Variants in PGBD2 observed in about 807,000 individuals in gnomAD.
PGBD2 encodes the protein piggyBac transposable element derived 2.
In PGBD2, 6 loss-of-function variants were observed where a neutral mutation model predicts 8.1. That is an observed-to-expected ratio of 0.74 (90% CI 0.40 to 1.46). The LOEUF is 1.46. Ranked by LOEUF, PGBD2 falls within the 40% of genes most tolerant of loss-of-function variation. The pLI, the probability that PGBD2 is intolerant of heterozygous loss-of-function variation, is 0.02. For missense variants in PGBD2, 802 were observed against 739.0 expected (o/e 1.09, Z -0.99); for synonymous variants, 318 against 272.2 (o/e 1.17, Z -1.66).
At chr1:248,911,589 A>C (rs1661880024) in intron 1 of PGBD2, among the ~76,000 whole-genome samples, 1 of 144,974 alleles carries the variant, frequency 6.9e-6, no homozygotes, top group Non-Finnish European at 1.5e-5. Flanking sequence ...CTATTCCACA[A>C]AGCCGCCATT....
chr1:248,929,307 G>A, the PGBD2 span, among the ~76,000 whole-genome samples: 9 of 151,898 alleles, frequency 5.9e-5, no homozygotes, highest in South Asian at 2.1e-4. Flanking sequence ...CTTGCAATCC[G>A]GGTGGAAGTT....
chr1:248,874,915 TAGATAGATA>T, the PGBD2 span, among the ~76,000 whole-genome samples: 1 of 141,758 alleles, frequency 7.1e-6, no homozygotes, highest in Non-Finnish European at 1.5e-5. Context: ...GATAGATAGA[TAGATAGATA>T]GATAGATAGA....
At chr1:248,910,417 T>A (rs1426390591) in intron 1 of PGBD2, among the ~76,000 whole-genome samples, 7 of 152,198 alleles carry the variant, frequency 4.6e-5, no homozygotes, top group Non-Finnish European at 8.8e-5. Context: ...TTACACACAT[T>A]GACTCTTACT....
the PGBD2 span, among the ~76,000 whole-genome samples, chr1:248,875,168 T>C: frequency 6.6e-6 from 1 of 151,770 alleles, no homozygotes; most frequent in African/African-American, 2.4e-5. Context: ...TGGTGGCAGG[T>C]GCCTGTAGTC....
downstream of PGBD2, among the ~76,000 whole-genome samples, chr1:248,922,954 G>A (rs1175645393): frequency 6.6e-6 from 1 of 152,186 alleles, no homozygotes; most frequent in African/African-American, 2.4e-5. Flanking sequence ...TTTGGTATCA[G>A]GATGATGCTG....
rs772144734 is a variant in PGBD2, at chr1:248,916,915, A to G, written c.331A>G (p.Ile111Val). 1.1e-5 allele frequency: 17 copies of G among 1,614,014 alleles called. No homozygotes were observed. Among genetic ancestry groups the G allele is most frequent in the Non-Finnish European group, 1.2e-5 (14 of 1,179,980 alleles). ...GAAAGCAGTTGTGAAACCTCAGCGCATTTGGACCAAAAGAGATATTCGTCC... is the reference window on the plus strand; with the variant it reads ...GAAAGCAGTTGTGAAACCTCAGCGCGTTTGGACCAAAAGAGATATTCGTCC... The part of the protein sequence containing the change: ...RQKAVVKPQR[I>V]WTKRDIRPDF... The change falls in exon 3 of 3, where the codon ATT becomes GTT. Residue 111 changes from isoleucine (I) to valine (V), a missense_variant. Coordinates refer to ENST00000329291, the MANE Select transcript of PGBD2 (RefSeq NM_170725.3).
the PGBD2 span, among the ~76,000 whole-genome samples, chr1:248,879,488 G>A: frequency 2.0e-5 from 3 of 152,024 alleles, no homozygotes; most frequent in Non-Finnish European, 2.9e-5. Flanking sequence ...TCAACCTTCC[G>A]GGCTCAAACT....
chr1:248,924,443 T>C (rs1438546572), downstream of PGBD2, among the ~76,000 whole-genome samples: 2 of 152,226 alleles, frequency 1.3e-5, no homozygotes, highest in African/African-American at 2.4e-5. Context: ...CCAAATTTTT[T>C]TTCAAAATGG....
At chr1:248,882,956 T>C in the PGBD2 span, among the ~76,000 whole-genome samples, 4 of 152,214 alleles carry the variant, frequency 2.6e-5, no homozygotes, top group African/African-American at 9.6e-5. Flanking sequence ...TGCATTATAT[T>C]TTAGAAAGCT....
At chr1:248,873,967 T>C in the PGBD2 span, among the ~76,000 whole-genome samples, 12 of 152,266 alleles carry the variant, frequency 7.9e-5, no homozygotes, top group African/African-American at 2.6e-4. Flanking sequence ...GACACATTCG[T>C]TTTATTAGCA....
the PGBD2 span, among the ~76,000 whole-genome samples, chr1:248,898,859 C>A: frequency 2.8e-4 from 43 of 152,152 alleles, no homozygotes; most frequent in Admixed American, 2.8e-3. Context: ...ATTCAACAGA[C>A]CCATCTCACA....
chr1:248,893,254 C>T, the PGBD2 span, among the ~76,000 whole-genome samples: 63 of 152,164 alleles, frequency 4.1e-4, no homozygotes, highest in African/African-American at 1.4e-3. Context: ...TGAGAAAAAT[C>T]CTCTAACATT....
upstream of PGBD2, among the ~76,000 whole-genome samples, chr1:248,902,185 C>A (rs1661545632): frequency 6.6e-6 from 1 of 151,560 alleles, no homozygotes; most frequent in African/African-American, 2.4e-5. Flanking sequence ...AGGAGAATTG[C>A]TTGAACCCAG....
At chr1:248,895,523 T>C in the PGBD2 span, among the ~76,000 whole-genome samples, 1 of 152,150 alleles carries the variant, frequency 6.6e-6, no homozygotes, top group Admixed American at 6.5e-5. Context: ...ATTAAATATC[T>C]TAATGATATT....
the PGBD2 span, among the ~76,000 whole-genome samples, chr1:248,892,000 C>G: frequency 4.6e-5 from 7 of 152,034 alleles, no homozygotes; most frequent in Admixed American, 4.6e-4. Context: ...TGTGTCAACC[C>G]CAAATAACCA....
At chr1:248,902,922 G>C (rs190338133), upstream of PGBD2, among the ~76,000 whole-genome samples, 5 of 152,192 alleles carry the variant, frequency 3.3e-5, no homozygotes, top group Admixed American at 1.3e-4. Flanking sequence ...TTAATACCTA[G>C]GTGATGGGTT....
At chr1:248,927,646 G>C in the PGBD2 span, among the ~76,000 whole-genome samples, 2 of 152,176 alleles carry the variant, frequency 1.3e-5, no homozygotes, top group African/African-American at 4.8e-5. Context: ...GACTGTGTCA[G>C]ACATGGCCCA....
chr1:248,884,345 G>T, the PGBD2 span, among the ~76,000 whole-genome samples: 1 of 134,240 alleles, frequency 7.4e-6, no homozygotes, highest in East Asian at 2.0e-4. Context: ...GTTTTTGTTT[G>T]TGTTTTTTTT....
At chr1:248,908,853 A>G (rs879533814) in intron 1 of PGBD2, among the ~76,000 whole-genome samples, 3 of 151,798 alleles carry the variant, frequency 2.0e-5, no homozygotes, top group African/African-American at 4.8e-5. Flanking sequence ...CTGGGGTGCT[A>G]TTCCCTGCCT....
Sources: gnomAD v4.1 joint callset for allele counts (sites outside exome capture counted in the v4.1 genomes callset) on GRCh38, gnomAD v4.1.1 for gene constraint, MANE v1.5 for transcripts, NCBI Gene and HGNC (gene_info 2026-07-23, HGNC 2026-07-21) for gene names.